Variants in CRAMP1 observed in about 807,000 individuals in gnomAD.
CRAMP1 encodes protein cramped-like.
CRAMP1 carries 50 observed loss-of-function variants against 115.4 expected under a neutral mutation model. The ratio of observed to expected loss-of-function variants is 0.43; its 90% CI spans 0.35 to 0.55. CRAMP1 has a LOEUF of 0.55. Ranked by LOEUF, CRAMP1 falls within the 20% of genes least tolerant of loss-of-function variation. The pLI is 0.01. For missense variants in CRAMP1, 1,679 were observed against 1,721.7 expected, an observed-to-expected ratio of 0.98 and a Z score of 0.44; for synonymous variants, 866 against 745.4, an observed-to-expected ratio of 1.16 and a Z score of -2.64.
rs745611202 is a variant in CRAMP1 at position 1,668,114 on chromosome 16, G to A, written c.3255G>A (p.Glu1085=). 2 of 1,613,636 alleles carry A rather than the reference G, an allele frequency of 1.2e-6. No homozygotes were observed. Among genetic ancestry groups the A allele is most frequent in the Admixed American group, 1.7e-5 (1 of 60,026 alleles). The change falls in exon 18 of 21, where the codon GAG becomes GAA. Residue 1085 remains glutamate (E), a synonymous_variant. Transcript: ENST00000397412. ...LLDISLPGPP[E]DALSQGEPAT... ...ACATCTCCCTGCCCGGCCCACCTGA[G>A]GATGCGCTGTCACAGGGCGAGCCTG...
chr16:1,648,720 T>C (rs2036697309), intron 6 of CRAMP1, among the ~76,000 whole-genome samples: 3 of 152,138 alleles, frequency 2.0e-5, no homozygotes, highest in Admixed American at 2.0e-4. Flanking sequence ...AAAACTGCTG[T>C]GGCACTTAGA....
chr16:1,614,748 G>T lies in CRAMP1; in HGVS notation c.109G>T (p.Asp37Tyr), dbSNP rs957076005. The T allele has an allele frequency of 3.7e-6, 5 of 1,369,026 alleles. No homozygotes were observed. The highest frequency in any genetic ancestry group is 4.8e-6 in the Non-Finnish European group (5 of 1,049,082). The allele number at this position is 1,369,026 out of a possible 1,614,324, so 84.8% of individuals were successfully genotyped here. The change falls in exon 2 of 21, where the codon GAC (aspartate) becomes TAC (tyrosine). Residue 37 changes from aspartate (D) to tyrosine (Y), a missense_variant. Transcript: ENST00000397412. The surrounding 1 kb of genome is among the most constrained non-coding windows in gnomAD (Gnocchi z 4.4). ...GGAAGGAGAAGGGGCCGGCGGCGCA[G>T]ACGCGGCCGAGGAGAGCAGCGGCAC... ...SLEGEGAGGA[D>Y]AAEESSGTKR...
Position 1,656,821 on chromosome 16 carries a change from G to A in CRAMP1, c.2064G>A (p.Leu688=), listed in dbSNP as rs1214824238. 1.9e-6 allele frequency: 3 copies of A among 1,549,988 alleles called. No individual in the cohort carries two copies. Among genetic ancestry groups the A allele is most frequent in the Admixed American group, 2.0e-5 (1 of 51,008 alleles). The change falls in exon 10 of 21, where the codon CTG becomes CTA. Residue 688 remains leucine (L), a synonymous_variant. Coordinates refer to ENST00000397412, the MANE Select transcript of CRAMP1 (RefSeq NM_020825.4). This position sits in a 1 kb window ranked among gnomAD's most constrained non-coding sequence, Gnocchi z 5.6. ...WNLQTSESLT[L]AEVYLMMGKP... ...TGCAGACCTCCGAAAGCCTCACGCT[G>A]GCCGAAGTCTACCTCATGATGGGCA... is the stretch of plus-strand genomic sequence containing the variant.
At chr16:1,657,133 G>A in intron 10 of CRAMP1, 141 bp downstream of exon 10, 1 of 777,276 alleles carries the variant, frequency 1.3e-6, no homozygotes, top group East Asian at 2.8e-5. Flanking sequence ...GGGGCCAGGA[G>A]CCTTCAGGAC....
intron 10 of CRAMP1, among the ~76,000 whole-genome samples, chr16:1,658,703 C>T (rs1284845985): frequency 6.6e-6 from 1 of 152,160 alleles, no homozygotes; most frequent in African/African-American, 2.4e-5. Context: ...TGCTGAGCCG[C>T]TGTCGCAGGT....
intron 6 of CRAMP1, among the ~76,000 whole-genome samples, chr16:1,644,606 C>A (rs1414229563): frequency 6.6e-6 from 1 of 152,030 alleles, no homozygotes; most frequent in Non-Finnish European, 1.5e-5. Context: ...TCAGGGGCCA[C>A]ACAAAGAGTT....
intron 8 of CRAMP1, among the ~76,000 whole-genome samples, chr16:1,653,647 G>A (rs2036743400): frequency 6.6e-6 from 1 of 151,464 alleles, no homozygotes; most frequent in Non-Finnish European, 1.5e-5. Context: ...GGCTAACGCC[G>A]TGAAACCCCA....
chr16:1,663,920 C>T (rs2036852981), intron 13 of CRAMP1, among the ~76,000 whole-genome samples: 1 of 152,230 alleles, frequency 6.6e-6, no homozygotes, highest in Non-Finnish European at 1.5e-5. Context: ...TCCACACGGG[C>T]AGGTATATGG....
At chr16:1,650,197 CT>C (rs775984023) in intron 6 of CRAMP1, among the ~76,000 whole-genome samples, 2 of 152,150 alleles carry the variant, frequency 1.3e-5, no homozygotes, top group Non-Finnish European at 2.9e-5. Flanking sequence ...AGCTAGGACC[CT>C]TTTAAAAGGA....
At chr16:1,661,039 G>T (rs996247916) in intron 11 of CRAMP1, among the ~76,000 whole-genome samples, 1 of 151,314 alleles carries the variant, frequency 6.6e-6, no homozygotes, top group African/African-American at 2.4e-5. Flanking sequence ...AGTTTTCAAC[G>T]TAAAATAAGG....
chr16:1,659,868 G>C lies in CRAMP1; in HGVS notation c.2236-18G>C. 6.2e-7 allele frequency: 1 copy of C among 1,612,064 alleles called. No homozygotes were observed. The highest frequency in any genetic ancestry group is 8.5e-7 in the Non-Finnish European group (1 of 1,178,862). On this transcript the variant is annotated intron_variant, in intron 10 of 20. Transcript: ENST00000397412. ...CATGTGCTGAGTTTGGACATTGTTT[G>C]GCCCATTTCTGTCCTAGGCTCTGGA...
Position 1,671,393 on chromosome 16 carries a change from T to C in CRAMP1, c.3645+584T>C, listed in dbSNP as rs905505969. Among the ~76,000 whole-genome samples, 1 of 152,212 alleles carries C rather than the reference T, an allele frequency of 6.6e-6. No homozygotes were observed. Among genetic ancestry groups the C allele is most frequent in the Non-Finnish European group, 1.5e-5 (1 of 68,036 alleles). On this transcript the variant is annotated intron_variant, in intron 20 of 20. Coordinates refer to ENST00000397412, the MANE Select transcript of CRAMP1 (RefSeq NM_020825.4). The surrounding 1 kb of genome is among the most constrained non-coding windows in gnomAD (Gnocchi z 5.0). Reference sequence around the variant, plus strand: ...AAACGTGGTTTGTGACTCTCCACTTTTGACGAGATGCAGCGTCCCTCTTTG... The same window carrying C: ...AAACGTGGTTTGTGACTCTCCACTTCTGACGAGATGCAGCGTCCCTCTTTG...
intron 3 of CRAMP1, among the ~76,000 whole-genome samples, chr16:1,628,540 C>T (rs74002421): frequency 0.16 from 24,903 of 152,244 alleles, 2,627 homozygotes; most frequent in African/African-American, 0.29. Flanking sequence ...AGGCATGAGT[C>T]ACCGCACCTG....
At chr16:1,654,809 T>A (rs2036755567) in intron 8 of CRAMP1, among the ~76,000 whole-genome samples, 2 of 152,228 alleles carry the variant, frequency 1.3e-5, no homozygotes, top group Non-Finnish European at 1.5e-5. Flanking sequence ...GGTTCACCCA[T>A]CATAGCGCAT....
chr16:1,637,936 C>G, intron 5 of CRAMP1, 29 bp downstream of exon 5: 1 of 1,228,656 alleles, frequency 8.1e-7, no homozygotes, highest in Non-Finnish European at 1.1e-6. Context: ...GGGTTGCCCA[C>G]GGCTCCTCCT....
In CRAMP1 at chr16:1,614,104, G is replaced by C. The variant is rs2036392998; in HGVS notation, c.-1-535G>C. On this transcript the variant is annotated intron_variant, in intron 1 of 20. Transcript: ENST00000397412. The surrounding 1 kb of genome is among the most constrained non-coding windows in gnomAD (Gnocchi z 4.4). ...CAGGTGCGCGGGGCCCGGGAGCCCC[G>C]CGCCTTTCGGGGGGCGGGGAGGGGG... is the stretch of plus-strand genomic sequence containing the variant. Among the ~76,000 whole-genome samples, 1 of 133,244 alleles carries C rather than the reference G, an allele frequency of 7.5e-6. No homozygotes were observed. Among genetic ancestry groups the C allele is most frequent in the Non-Finnish European group, 1.6e-5 (1 of 61,144 alleles). The allele number at this position is 133,244 out of a possible 152,430, so 87.4% of individuals were successfully genotyped here. A position where few individuals can be genotyped will look rare whatever the true frequency, so the allele number is the denominator to read the frequency against.
Position 1,656,892 on chromosome 16 carries a change from G to A in CRAMP1, c.2135G>A (p.Arg712His), listed in dbSNP as rs903823727. 2.1e-5 allele frequency: 33 copies of A among 1,551,218 alleles called. No individual in the cohort carries two copies. In the Middle Eastern group the frequency reaches 6.7e-4, roughly 32 times the overall value. The change falls in exon 10 of 21, where the codon CGC (arginine) becomes CAC (histidine). Residue 712 changes from arginine to histidine, a missense_variant. Arg to His is a conservative substitution (Grantham distance 29, BLOSUM62 0). Transcript: ENST00000397412. This position sits in a 1 kb window ranked among gnomAD's most constrained non-coding sequence, Gnocchi z 5.6. Reference protein sequence around the residue: ...QLEYDWLGPGRQDPRPGSLPT... With the variant: ...QLEYDWLGPGHQDPRPGSLPT... Reference sequence around the variant, plus strand: ...GAGTACGACTGGCTGGGGCCCGGCCGCCAGGACCCCCGCCCCGGCTCCCTA... The same window carrying A: ...GAGTACGACTGGCTGGGGCCCGGCCACCAGGACCCCCGCCCCGGCTCCCTA...
At position 1,671,563 on chromosome 16, in the gene CRAMP1, G is replaced by T. The variant is rs1044110627; in HGVS notation, c.3645+754G>T. Among the ~76,000 whole-genome samples the T allele has an allele frequency of 1.3e-5, 2 of 152,178 alleles. No homozygotes were observed. The highest frequency in any genetic ancestry group is 4.8e-5 in the African/African-American group (2 of 41,436). ...GAGTGGCAGGTGTGTGGGCAGTCGG[G>T]TGAGGGCTCTATGGACAGGGAGGGA... On this transcript the variant is annotated intron_variant, in intron 20 of 20. Coordinates refer to ENST00000397412, the MANE Select transcript of CRAMP1 (RefSeq NM_020825.4). The surrounding 1 kb of genome is among the most constrained non-coding windows in gnomAD (Gnocchi z 5.0).
chr16:1,649,513 G>A (rs145166383), intron 6 of CRAMP1, among the ~76,000 whole-genome samples: 351 of 151,762 alleles, frequency 2.3e-3, no homozygotes, highest in East Asian at 0.014. Flanking sequence ...TTTTTGAGAC[G>A]GAGTCTCACT....
Sources: allele counts gnomAD v4.1 joint callset (sites outside exome capture counted in the v4.1 genomes callset), GRCh38; gene constraint gnomAD v4.1.1; non-coding constraint Gnocchi (gnomAD v3.1); transcripts MANE v1.5; gene names NCBI Gene and HGNC (gene_info 2026-07-23, HGNC 2026-07-21).